The following GLI3 variants were observed in gnomAD, a reference collection of about 807,000 sequenced individuals.
GLI3 encodes the protein transcription activator GLI3.
In GLI3, 20 loss-of-function variants were observed where a neutral mutation model predicts 100.8. That is an observed-to-expected ratio of 0.20 (90% confidence interval 0.14 to 0.29). The LOEUF (loss-of-function observed/expected upper bound fraction) is 0.29, where lower values mean the gene tolerates loss of function less well. Ranked by LOEUF, GLI3 falls within the 10% of genes least tolerant of loss-of-function variation. The probability of loss-of-function intolerance (pLI) is 1.00; values close to 1 mark genes in which losing one functional copy is unlikely to be tolerated. For missense variants in GLI3, 2,040 were observed against 2,128.5 expected (o/e 0.96, Z 0.82); for synonymous variants, 938 against 860.5 (o/e 1.09, Z -1.58).
chr7:42,213,820 T>G (rs2128698611), intron 2 of GLI3, among the ~76,000 whole-genome samples: 1 of 152,362 alleles, frequency 6.6e-6, no homozygotes, highest in Non-Finnish European at 1.5e-5. Flanking sequence ...CTGTGTTAAC[T>G]CAACCTTAGT....
In GLI3 at chr7:42,121,391, G is replaced by C. The variant is rs557006106; in HGVS notation, c.367+26835C>G. On this transcript the variant is annotated intron_variant, in intron 3 of 14. Transcript: ENST00000395925. ...TGGGACCACATGTTGATAAATGCTG[G>C]TCTAGAAAGCAAATAGGCAAAAGTT... Among the ~76,000 whole-genome samples the C allele has an allele frequency of 9.2e-5, 14 of 152,320 alleles. No individual in the cohort carries two copies. In the South Asian group the frequency reaches 1.5e-3, roughly 16 times the overall value.
intron 10 of GLI3, among the ~76,000 whole-genome samples, chr7:41,980,260 T>G (rs1787620394): frequency 6.6e-6 from 1 of 152,206 alleles, no homozygotes; most frequent in Non-Finnish European, 1.5e-5. Context: ...AAGCCAGCCA[T>G]GCTCCATGTC....
At chr7:41,991,588 G>T (rs897319725) in intron 10 of GLI3, among the ~76,000 whole-genome samples, 1 of 152,230 alleles carries the variant, frequency 6.6e-6, no homozygotes, top group African/African-American at 2.4e-5. Flanking sequence ...AGAGTTTAGA[G>T]AAAGAGCATA....
intron 3 of GLI3, 39 bp downstream of exon 3, chr7:42,148,187 A>AT: frequency 1.9e-6 from 3 of 1,568,618 alleles, no homozygotes; most frequent in Non-Finnish European, 2.6e-6. Flanking sequence ...AGCCCTCCCC[A>AT]TAGCTCCTGA....
At chr7:42,121,898 A>G (rs988672585) in intron 3 of GLI3, among the ~76,000 whole-genome samples, 1 of 152,196 alleles carries the variant, frequency 6.6e-6, no homozygotes. Context: ...TTGGTAATAA[A>G]TAAGCCCCAG....
chr7:42,182,660 A>ATATATATGTGTGTG lies in GLI3; in HGVS notation c.125-34193_125-34192insCACACACATATATA, dbSNP rs1787624529. Among the ~76,000 whole-genome samples the ATATATATGTGTGTG allele has an allele frequency of 1.7e-4, 10 of 59,106 alleles. No individual in the cohort carries two copies. In the South Asian group the frequency reaches 4.1e-3, roughly 24 times the overall value. 38.8% of individuals were successfully genotyped at this position (59,106 alleles called of 152,430 possible). On this transcript the variant is annotated intron_variant, in intron 2 of 14. Coordinates refer to ENST00000395925, the MANE Select transcript of GLI3 (RefSeq NM_000168.6). Reference sequence around the variant, plus strand: ...TATGTGTGTGTATATATATATATATATATATATATATATATATATATACAC... The same window carrying ATATATATGTGTGTG: ...TATGTGTGTGTATATATATATATATATATATATGTGTGTGTATATATATATATATATATATACAC...
intron 4 of GLI3, among the ~76,000 whole-genome samples, chr7:42,072,117 C>A (rs1290537115): frequency 6.6e-6 from 1 of 152,158 alleles, no homozygotes; most frequent in East Asian, 1.9e-4. Context: ...GCTTGGGGTG[C>A]AGTACTGTTC....
intron 10 of GLI3, among the ~76,000 whole-genome samples, chr7:42,011,064 G>C (rs895288501): frequency 2.6e-5 from 4 of 152,208 alleles, no homozygotes; most frequent in African/African-American, 9.6e-5. Flanking sequence ...ATTTGTCTGA[G>C]TCCACCTAGC....
In GLI3 at chr7:41,964,531, G is replaced by C. The variant is rs1271062368; in HGVS notation, c.4542C>G (p.Asp1514Glu). The change falls in exon 15 of 15, where the codon GAC (aspartate) becomes GAG (glutamate). Residue 1514 changes from aspartate (D) to glutamate (E), a missense_variant. Around this residue, in one of 5 missense-constraint regions of GLI3, gnomAD observed 1,041 missense variants for 924.0 expected, o/e 1.13. Transcript: ENST00000395925. ...GGGCCCCCGACATCAGGCTGGAGTGGTCCCCATCGTCTATGATGGCATCGA... is the reference window on the plus strand; with the variant it reads ...GGGCCCCCGACATCAGGCTGGAGTGCTCCCCATCGTCTATGATGGCATCGA... ...IDFDAIIDDGDHSSLMSGALS... is the reference protein window; with the variant it reads ...IDFDAIIDDGEHSSLMSGALS... The C allele has an allele frequency of 1.2e-6, 2 of 1,613,708 alleles. No homozygotes were observed. Among genetic ancestry groups the C allele is most frequent in the Admixed American group, 3.3e-5 (2 of 60,022 alleles).
chr7:42,019,209 T>A (rs1021741125), intron 10 of GLI3, among the ~76,000 whole-genome samples: 1 of 152,178 alleles, frequency 6.6e-6, no homozygotes, highest in Non-Finnish European at 1.5e-5. Flanking sequence ...TCAGCAGTAA[T>A]GACTCCACAC....
At chr7:42,080,963 A>G (rs1784985703) in intron 3 of GLI3, among the ~76,000 whole-genome samples, 1 of 152,206 alleles carries the variant, frequency 6.6e-6, no homozygotes, top group African/African-American at 2.4e-5. Context: ...TCAAGCGTAT[A>G]TGTAATAAGT....
At chr7:42,025,194 G>T in intron 9 of GLI3, 70 bp downstream of exon 9, 1 of 978,610 alleles carries the variant, frequency 1.0e-6, no homozygotes, top group Non-Finnish European at 1.6e-6. Context: ...TGGGGAGGAA[G>T]CGGGAGCTGA....
At chr7:42,207,319 A>T (rs1276943995) in intron 2 of GLI3, among the ~76,000 whole-genome samples, 1 of 152,192 alleles carries the variant, frequency 6.6e-6, no homozygotes, top group Non-Finnish European at 1.5e-5. Context: ...GGCTCTGTTT[A>T]CATGGTGTGT....
intron 4 of GLI3, among the ~76,000 whole-genome samples, chr7:42,063,870 A>C (rs962022175): frequency 2.6e-5 from 4 of 152,216 alleles, no homozygotes; most frequent in African/African-American, 4.8e-5. Context: ...TATGCTTCAA[A>C]GTCTATGTTT....
chr7:42,084,355 C>T (rs1209857880), intron 3 of GLI3, among the ~76,000 whole-genome samples: 2 of 152,226 alleles, frequency 1.3e-5, no homozygotes, highest in African/African-American at 2.4e-5. Context: ...TGTCCTCAGT[C>T]GTGAACCAAC....
intron 3 of GLI3, among the ~76,000 whole-genome samples, chr7:42,110,330 T>C (rs1160392744): frequency 6.6e-6 from 1 of 152,218 alleles, no homozygotes; most frequent in African/African-American, 2.4e-5. Flanking sequence ...TAAAGGTGCA[T>C]CTCCATTCAT....
chr7:42,122,629 T>G (rs1157079779), intron 3 of GLI3, among the ~76,000 whole-genome samples: 1 of 152,242 alleles, frequency 6.6e-6, no homozygotes, highest in Non-Finnish European at 1.5e-5. Flanking sequence ...ACTAGAATCC[T>G]GTCCTTTCTA....
chr7:42,263,220 T>C (rs926474876), intron 1 of GLI3, among the ~76,000 whole-genome samples: 3 of 152,194 alleles, frequency 2.0e-5, no homozygotes, highest in African/African-American at 7.2e-5. Flanking sequence ...GGCTCTTTCC[T>C]GGCTATGACA....
At chr7:42,262,752 T>A (rs1789158852) in intron 1 of GLI3, among the ~76,000 whole-genome samples, 1 of 152,198 alleles carries the variant, frequency 6.6e-6, no homozygotes, top group African/African-American at 2.4e-5. Context: ...CTTTTTGTTG[T>A]TTTATCCATT....
Sources: allele counts gnomAD v4.1 joint callset (sites outside exome capture counted in the v4.1 genomes callset), GRCh38; gene constraint gnomAD v4.1.1; regional missense constraint gnomAD v4.1.1; transcripts MANE v1.5; gene names NCBI Gene and HGNC (gene_info 2026-07-23, HGNC 2026-07-21).